The following ZNF804B variants were observed in gnomAD, a reference collection of about 807,000 sequenced individuals.
ZNF804B encodes the protein zinc finger protein 804B, also known as zinc finger 804B.
Under a neutral mutation model 101.4 loss-of-function variants are expected in ZNF804B, and 80 were observed. That is an observed-to-expected ratio of 0.79 (90% confidence interval 0.66 to 0.95). The LOEUF (loss-of-function observed/expected upper bound fraction) is 0.95. Ranked by LOEUF, ZNF804B falls within the 40% of genes least tolerant of loss-of-function variation. The pLI, the probability that ZNF804B is intolerant of heterozygous loss-of-function variation, is 0.00. For synonymous variants in ZNF804B, 622 were observed against 558.8 expected (o/e 1.11, Z -1.59); for missense variants, 1,673 against 1,561.9 (o/e 1.07, Z -1.20).
intron 1 of ZNF804B, among the ~76,000 whole-genome samples, chr7:89,051,533 C>T (rs1486212909): frequency 6.6e-6 from 1 of 151,998 alleles, no homozygotes; most frequent in Non-Finnish European, 1.5e-5. Flanking sequence ...GCTTCTGAGT[C>T]CAGCAAATAC....
intron 1 of ZNF804B, among the ~76,000 whole-genome samples, chr7:89,003,951 T>C (rs1335573249): frequency 6.6e-6 from 1 of 151,596 alleles, no homozygotes; most frequent in Non-Finnish European, 1.5e-5. Context: ...GTATAGGCAT[T>C]CTTAAAACAA....
intron 1 of ZNF804B, among the ~76,000 whole-genome samples, chr7:89,190,335 T>TA (rs375967399): frequency 0.28 from 34,387 of 124,744 alleles, 4,440 homozygotes; most frequent in African/African-American, 0.35. Flanking sequence ...AACTCCGTCT[T>TA]AAAAAAAAAA....
Position 88,963,649 on chromosome 7 carries a change from G to T in ZNF804B, c.108+203565G>T, listed in dbSNP as rs538952012. On this transcript the variant is annotated intron_variant, in intron 1 of 3. Transcript: ENST00000333190. The stretch of plus-strand genomic sequence containing the variant: ...CTTTGCTATGACTCCAAAGATAAAG[G>T]CAACAACAGAAAAAGAATGATAAGT... Among the ~76,000 whole-genome samples, 5 of 151,148 alleles carry T rather than the reference G, an allele frequency of 3.3e-5. No individual in the cohort carries two copies. In the East Asian group the frequency reaches 7.9e-4, roughly 24 times the overall value.
intron 1 of ZNF804B, among the ~76,000 whole-genome samples, chr7:88,763,578 A>G (rs983046037): frequency 6.6e-6 from 1 of 151,962 alleles, no homozygotes; most frequent in Non-Finnish European, 1.5e-5. Context: ...AAAAAGAAAA[A>G]TGAGAGAGGA....
intron 1 of ZNF804B, among the ~76,000 whole-genome samples, chr7:88,824,518 T>C (rs767886779): frequency 2.0e-5 from 3 of 152,168 alleles, no homozygotes; most frequent in Non-Finnish European, 4.4e-5. Flanking sequence ...TATTTCTTCA[T>C]AGCACTGTGA....
chr7:89,122,126 G>A (rs1790416686), intron 1 of ZNF804B, among the ~76,000 whole-genome samples: 1 of 152,038 alleles, frequency 6.6e-6, no homozygotes, highest in Admixed American at 6.6e-5. Context: ...AACCACAGCA[G>A]TTTTTTAGAA....
intron 1 of ZNF804B, among the ~76,000 whole-genome samples, chr7:88,902,340 C>G (rs1157723095): frequency 6.6e-6 from 1 of 151,952 alleles, no homozygotes; most frequent in Non-Finnish European, 1.5e-5. Flanking sequence ...CCAAAGCATT[C>G]AAATTAATAC....
chr7:89,060,470 A>G (rs1283925477), intron 1 of ZNF804B, among the ~76,000 whole-genome samples: 1 of 152,162 alleles, frequency 6.6e-6, no homozygotes, highest in East Asian at 1.9e-4. Context: ...ATGGCAGAGC[A>G]ATAACCAGAC....
chr7:89,036,661 A>G (rs200752699), intron 1 of ZNF804B, among the ~76,000 whole-genome samples: 1 of 152,124 alleles, frequency 6.6e-6, no homozygotes, highest in African/African-American at 2.4e-5. Context: ...AGAGTTTTTC[A>G]TGACAAAGTG....
intron 1 of ZNF804B, among the ~76,000 whole-genome samples, chr7:89,016,022 T>C (rs996864335): frequency 1.3e-3 from 201 of 152,338 alleles, no homozygotes; most frequent in African/African-American, 4.7e-3. Context: ...TTGTAATGAT[T>C]GCCATTCTAA....
intron 1 of ZNF804B, among the ~76,000 whole-genome samples, chr7:88,873,429 C>T (rs1425195419): frequency 6.6e-6 from 1 of 152,112 alleles, no homozygotes; most frequent in Non-Finnish European, 1.5e-5. Context: ...TGCCTGTTCA[C>T]TCTGATGGTA....
At chr7:89,330,539 C>T (rs1237114972) in intron 3 of ZNF804B, among the ~76,000 whole-genome samples, 1 of 150,952 alleles carries the variant, frequency 6.6e-6, no homozygotes, top group Non-Finnish European at 1.5e-5. Flanking sequence ...GTTATAATAC[C>T]CAAACTTGTA....
At chr7:88,923,795 A>G (rs1416087179) in intron 1 of ZNF804B, among the ~76,000 whole-genome samples, 2 of 152,246 alleles carry the variant, frequency 1.3e-5, no homozygotes, top group Non-Finnish European at 2.9e-5. Flanking sequence ...ATAAAATAGA[A>G]GTGACTTTAA....
At chr7:89,016,332 T>C (rs1361929049) in intron 1 of ZNF804B, among the ~76,000 whole-genome samples, 1 of 151,944 alleles carries the variant, frequency 6.6e-6, no homozygotes, top group East Asian at 1.9e-4. Flanking sequence ...GCAGAAGCTC[T>C]TTAGTTTAAT....
At chr7:88,886,648 T>C (rs966847382) in intron 1 of ZNF804B, among the ~76,000 whole-genome samples, 2 of 151,736 alleles carry the variant, frequency 1.3e-5, no homozygotes, top group Non-Finnish European at 2.9e-5. Context: ...TCAGCAGGTT[T>C]AAACAGACGC....
At chr7:89,099,970 A>G (rs140941882) in intron 1 of ZNF804B, among the ~76,000 whole-genome samples, 57 of 152,310 alleles carry the variant, frequency 3.7e-4, no homozygotes, top group African/African-American at 1.3e-3. Flanking sequence ...CTCATCTGAA[A>G]GAAGAGGTAA....
intron 2 of ZNF804B, among the ~76,000 whole-genome samples, chr7:89,222,850 T>G (rs1789026812): frequency 6.6e-6 from 1 of 151,898 alleles, no homozygotes; most frequent in Admixed American, 6.6e-5. Flanking sequence ...TTGTATACGC[T>G]TCCCACTTTA....
chr7:88,904,427 G>T (rs555614587), intron 1 of ZNF804B, among the ~76,000 whole-genome samples: 1 of 151,988 alleles, frequency 6.6e-6, no homozygotes, highest in Non-Finnish European at 1.5e-5. Flanking sequence ...GATTGCTTTG[G>T]CTATTCAGGC....
At chr7:88,897,980 G>A (rs904989777) in intron 1 of ZNF804B, among the ~76,000 whole-genome samples, 2 of 147,846 alleles carry the variant, frequency 1.4e-5, no homozygotes, top group African/African-American at 5.0e-5. Flanking sequence ...TACTGAAATA[G>A]CCTGAAGGTC....
Sources: allele counts gnomAD v4.1 joint callset (sites outside exome capture counted in the v4.1 genomes callset), GRCh38; gene constraint gnomAD v4.1.1; transcripts MANE v1.5; gene names NCBI Gene and HGNC (gene_info 2026-07-23, HGNC 2026-07-21).